Variants in VGLL4 observed in about 807,000 individuals in gnomAD.
The protein encoded by VGLL4 is transcription cofactor vestigial-like protein 4.
In VGLL4, 7 loss-of-function variants were observed where a neutral mutation model predicts 21.0. That is an observed-to-expected ratio of 0.33 (90% CI 0.19 to 0.63). The LOEUF (loss-of-function observed/expected upper bound fraction) is 0.63. VGLL4 is among the 20% of genes least tolerant of loss of function. VGLL4 has a pLI of 0.78. For synonymous variants in VGLL4, 222 were observed against 173.2 expected, an observed-to-expected ratio of 1.28 and a Z score of -2.21; for missense variants, 394 against 425.7, an observed-to-expected ratio of 0.93 and a Z score of 0.66.
intron 2 of VGLL4, among the ~76,000 whole-genome samples, chr3:11,595,313 A>G (rs923876172): frequency 7.2e-5 from 11 of 152,164 alleles, no homozygotes; most frequent in African/African-American, 1.2e-4. Flanking sequence ...TTAGAATGGC[A>G]ATCATTAAAA....
At chr3:11,704,719 A>C (rs1299945367) in intron 1 of VGLL4, among the ~76,000 whole-genome samples, 1 of 152,222 alleles carries the variant, frequency 6.6e-6, no homozygotes, top group Non-Finnish European at 1.5e-5. Context: ...CGTGCCTTTA[A>C]TCTCCCGTTG....
At chr3:11,601,213 G>GC (rs1480289421) in intron 2 of VGLL4, among the ~76,000 whole-genome samples, 1 of 152,204 alleles carries the variant, frequency 6.6e-6, no homozygotes, top group Non-Finnish European at 1.5e-5. Flanking sequence ...AAGAGTTGAA[G>GC]CAATTCATGT....
At chr3:11,620,657 G>A (rs2125299783) in intron 1 of VGLL4, among the ~76,000 whole-genome samples, 1 of 152,230 alleles carries the variant, frequency 6.6e-6, no homozygotes, top group South Asian at 2.1e-4. Flanking sequence ...CGGAAAATTT[G>A]GGAGCCAATG....
At chr3:11,721,369 G>A (rs1255754757), upstream of VGLL4, 1 of 152,264 alleles carries the variant, frequency 6.6e-6, no homozygotes, top group African/African-American at 2.4e-5. Flanking sequence ...ACCTAAAGCA[G>A]GTGGAGGTGT....
chr3:11,582,464 G>A, intron 2 of VGLL4: 1 of 1,213,784 alleles, frequency 8.2e-7, no homozygotes, highest in Non-Finnish European at 1.1e-6. Flanking sequence ...CTTGCCCCCT[G>A]CACTGCAATA....
chr3:11,640,435 G>A (rs962879360), intron 1 of VGLL4, among the ~76,000 whole-genome samples: 1 of 152,140 alleles, frequency 6.6e-6, no homozygotes, highest in Non-Finnish European at 1.5e-5. Context: ...GTGGGGTGAT[G>A]GACGCAGTGG....
intron 2 of VGLL4, among the ~76,000 whole-genome samples, chr3:11,696,791 T>A (rs2076612223): frequency 6.6e-6 from 1 of 152,106 alleles, no homozygotes; most frequent in Admixed American, 6.5e-5. Context: ...CAGGCTGGAG[T>A]GCGGTGGCAC....
At chr3:11,671,196 A>G in intron 2 of VGLL4, 4 of 1,525,186 alleles carry the variant, frequency 2.6e-6, no homozygotes, top group African/African-American at 1.4e-5. Context: ...ACTATTTTGC[A>G]AATTAATTAA....
chr3:11,564,152 C>G (rs2073304152), intron 3 of VGLL4, among the ~76,000 whole-genome samples: 1 of 152,232 alleles, frequency 6.6e-6, no homozygotes, highest in South Asian at 2.1e-4. Flanking sequence ...ATGCTGCTGC[C>G]TTCTCCCATA....
rs1205845924 is a variant in VGLL4 at position 11,719,061 on chromosome 3, T to C, written c.-14+1333A>G. Reference sequence around the variant, plus strand: ...CTGTGCTCTTCCGCGAGGCCTGCACTGGGTGCAGGGAGAGTGTGCAGTCCT... The same window carrying C: ...CTGTGCTCTTCCGCGAGGCCTGCACCGGGTGCAGGGAGAGTGTGCAGTCCT... On this transcript the variant is annotated intron_variant, in intron 1 of 5. Transcript: ENST00000273038. This position sits in a 1 kb window ranked among gnomAD's most constrained non-coding sequence, Gnocchi z 4.0. Among the ~76,000 whole-genome samples the C allele has an allele frequency of 6.6e-6, 1 of 152,140 alleles. No homozygotes were observed. The highest frequency in any genetic ancestry group is 1.5e-5 in the Non-Finnish European group (1 of 68,014).
chr3:11,609,958 C>T (rs1382783531), intron 1 of VGLL4, among the ~76,000 whole-genome samples: 1 of 152,078 alleles, frequency 6.6e-6, no homozygotes, highest in Non-Finnish European at 1.5e-5. Context: ...AGTTTAAGTC[C>T]ACAACTTAAA....
intron 2 of VGLL4, among the ~76,000 whole-genome samples, chr3:11,572,552 C>A (rs552826471): frequency 2.2e-4 from 34 of 152,340 alleles, no homozygotes; most frequent in African/African-American, 7.9e-4. Context: ...CTCTCTTCGT[C>A]CCCTGGGGCA....
intron 1 of VGLL4, among the ~76,000 whole-genome samples, chr3:11,704,722 T>C (rs552596482): frequency 1.8e-4 from 28 of 152,294 alleles, no homozygotes; most frequent in Middle Eastern, 3.4e-3. Context: ...GCCTTTAATC[T>C]CCCGTTGTGG....
chr3:11,564,711 T>G, intron 3 of VGLL4, 86 bp downstream of exon 3: 1 of 1,380,786 alleles, frequency 7.2e-7, no homozygotes, highest in Non-Finnish European at 9.8e-7. Context: ...ACCACCGCCC[T>G]CGGAGTCCTC....
chr3:11,618,078 AAAT>A (rs2075198005), intron 1 of VGLL4, among the ~76,000 whole-genome samples: 1 of 152,246 alleles, frequency 6.6e-6, no homozygotes, highest in East Asian at 1.9e-4. Context: ...CAAACAAATC[AAAT>A]AATAATGCAT....
chr3:11,595,745 C>CAA (rs1215595588), intron 2 of VGLL4, among the ~76,000 whole-genome samples: 1 of 151,020 alleles, frequency 6.6e-6, no homozygotes, highest in Non-Finnish European at 1.5e-5. Context: ...GACAAAAAAC[C>CAA]AAACACCGCA....
chr3:11,647,731 C>A (rs1052322333), upstream of VGLL4, among the ~76,000 whole-genome samples: 15 of 152,042 alleles, frequency 9.9e-5, no homozygotes, highest in Non-Finnish European at 2.9e-5. Context: ...CCTTCCTCAC[C>A]TTTTCGAGGT....
chr3:11,649,732 C>T (rs76765379), intron 2 of VGLL4, among the ~76,000 whole-genome samples: 3,729 of 152,236 alleles, frequency 0.024, 137 homozygotes, highest in African/African-American at 0.083. Context: ...TCTACACTTG[C>T]AGAGCTTATA....
chr3:11,641,721 A>G (rs2075691082), intron 1 of VGLL4, among the ~76,000 whole-genome samples: 1 of 152,174 alleles, frequency 6.6e-6, no homozygotes, highest in African/African-American at 2.4e-5. Flanking sequence ...TAGCTACTCA[A>G]TCTTCAAAAT....
Sources: gnomAD v4.1 joint callset for allele counts (sites outside exome capture counted in the v4.1 genomes callset) on GRCh38, gnomAD v4.1.1 for gene constraint, Gnocchi (gnomAD v3.1) non-coding constraint, MANE v1.5 for transcripts, NCBI Gene and HGNC (gene_info 2026-07-23, HGNC 2026-07-21) for gene names.